The following GLTP variants were observed in gnomAD, a reference collection of about 807,000 sequenced individuals.
GLTP encodes glycolipid transfer protein.
In GLTP, 22 loss-of-function variants were observed where a neutral mutation model predicts 24.0. That is an observed-to-expected ratio of 0.92 (90% confidence interval 0.65 to 1.31). GLTP has a LOEUF of 1.31. GLTP is among the 50% of genes most tolerant of loss of function. The pLI is 0.00. For synonymous variants in GLTP, 92 were observed against 115.9 expected, an observed-to-expected ratio of 0.79 and a Z score of 1.33; for missense variants, 224 against 276.6, an observed-to-expected ratio of 0.81 and a Z score of 1.35.
intron 4 of GLTP, among the ~76,000 whole-genome samples, chr12:109,853,618 G>A (rs1892756016): frequency 6.6e-6 from 1 of 150,838 alleles, no homozygotes; most frequent in Admixed American, 6.6e-5. Context: ...AACCCGGGAG[G>A]CAGAGGTTGC....
At chr12:109,863,133 T>C (rs1454202475) in intron 1 of GLTP, among the ~76,000 whole-genome samples, 4 of 152,236 alleles carry the variant, frequency 2.6e-5, no homozygotes, top group African/African-American at 9.6e-5. Flanking sequence ...GAGATATGGA[T>C]AGATAGGCAC....
At chr12:109,872,915 C>A (rs769615585) in intron 1 of GLTP, among the ~76,000 whole-genome samples, 1 of 152,222 alleles carries the variant, frequency 6.6e-6, no homozygotes, top group Non-Finnish European at 1.5e-5. Context: ...CTTCACCAAC[C>A]TTGTCCAACC....
intron 1 of GLTP, among the ~76,000 whole-genome samples, chr12:109,861,418 G>A (rs10850891): frequency 0.64 from 97,386 of 151,928 alleles, 32,236 homozygotes; most frequent in African/African-American, 0.77. Flanking sequence ...TGGGGCAATA[G>A]TAGTACTTAT....
chr12:109,874,799 G>A (rs1366916476), intron 1 of GLTP, among the ~76,000 whole-genome samples: 1 of 152,192 alleles, frequency 6.6e-6, no homozygotes, highest in Admixed American at 6.5e-5. Context: ...TCACTCTGCT[G>A]CCCAGGCTGA....
intron 3 of GLTP, among the ~76,000 whole-genome samples, chr12:109,856,596 G>A (rs1455298506): frequency 1.3e-5 from 2 of 152,074 alleles, no homozygotes; most frequent in Non-Finnish European, 2.9e-5. Context: ...TGTCCCACTG[G>A]GGTCCCCAGA....
Position 109,852,462 on chromosome 12 carries a change from AG to A in GLTP, c.*92del. ...TGGGCTGCTCTGGGGGACACAGGCC[AG>A]GGGCAGTTCACCGACTTGATTCACA... On this transcript the variant is annotated 3_prime_UTR_variant, in exon 5 of 5. Transcript: ENST00000318348. 1 of 771,922 alleles carries A rather than the reference AG, an allele frequency of 1.3e-6. No individual in the cohort carries two copies. Among genetic ancestry groups the A allele is most frequent in the South Asian group, 1.5e-5 (1 of 65,440 alleles). 47.8% of individuals were successfully genotyped at this position (771,922 alleles called of 1,614,324 possible).
chr12:109,861,249 G>A (rs1359339701), intron 1 of GLTP, among the ~76,000 whole-genome samples: 1 of 152,166 alleles, frequency 6.6e-6, no homozygotes, highest in East Asian at 1.9e-4. Flanking sequence ...AGAGGTGCAT[G>A]AGAGAAACAG....
At position 109,855,467 on chromosome 12, in the gene GLTP, A is replaced by C; in HGVS notation, c.447+152T>G. 1 of 605,670 alleles carries C rather than the reference A, an allele frequency of 1.7e-6. No homozygotes were observed. Among genetic ancestry groups the C allele is most frequent in the African/African-American group, 1.9e-5 (1 of 53,274 alleles). The allele number at this position is 605,670 out of a possible 1,614,324, so 37.5% of individuals were successfully genotyped here. The stretch of plus-strand genomic sequence containing the variant: ...GCACGGGAGGGGGACCTCTCAGTAC[A>C]CTAGCCTCACCCAAATAGATGAGGG... On this transcript the variant is annotated intron_variant, in intron 4 of 4. Transcript: ENST00000318348. This position sits in a 1 kb window ranked among gnomAD's most constrained non-coding sequence, Gnocchi z 4.1.
intron 1 of GLTP, among the ~76,000 whole-genome samples, chr12:109,858,945 T>C (rs1720453505): frequency 6.6e-6 from 1 of 152,174 alleles, no homozygotes; most frequent in South Asian, 2.1e-4. Context: ...ATCTGGCAAA[T>C]GAGGCTACAG....
Position 109,855,564 on chromosome 12 carries a change from T to A in GLTP, c.447+55A>T, listed in dbSNP as rs1176125422. On this transcript the variant is annotated intron_variant, in intron 4 of 4. Transcript: ENST00000318348. The surrounding 1 kb of genome is among the most constrained non-coding windows in gnomAD (Gnocchi z 4.1). ...AGGCCTCGGCTAAGCAGGGGCAGAG[T>A]GGGGAGCAGAATCTGCAAGCTGGTG... is the stretch of plus-strand genomic sequence containing the variant. The A allele has an allele frequency of 4.8e-6, 7 of 1,457,360 alleles. No individual in the cohort carries two copies. In the African/African-American group the frequency reaches 8.7e-5, roughly 18 times the overall value. The allele number at this position is 1,457,360 out of a possible 1,614,324, so 90.3% of individuals were successfully genotyped here.
chr12:109,869,691 G>A (rs1387955265), intron 1 of GLTP, among the ~76,000 whole-genome samples: 4 of 150,914 alleles, frequency 2.7e-5, no homozygotes, highest in African/African-American at 9.7e-5. Context: ...GGATGGTCTT[G>A]ATCTCCTGAC....
chr12:109,869,328 AG>A (rs1312899642), intron 1 of GLTP, among the ~76,000 whole-genome samples: 1 of 149,810 alleles, frequency 6.7e-6, no homozygotes, highest in Admixed American at 6.7e-5. Flanking sequence ...AAAGAAAGAA[AG>A]AAAGAAAGAA....
chr12:109,857,784 G>C lies in GLTP; in HGVS notation c.163-125C>G. The C allele has an allele frequency of 1.1e-6, 1 of 927,828 alleles. No homozygotes were observed. The highest frequency in any genetic ancestry group is 1.4e-5 in the South Asian group (1 of 71,684). The allele number at this position is 927,828 out of a possible 1,614,324, so 57.5% of individuals were successfully genotyped here. On this transcript the variant is annotated intron_variant, in intron 2 of 4. Coordinates refer to ENST00000318348, the MANE Select transcript of GLTP (RefSeq NM_016433.4). The surrounding 1 kb of genome is among the most constrained non-coding windows in gnomAD (Gnocchi z 4.3). ...CTTCCTGCCCTCCAGGAACAGCAGG[G>C]ATAAGACTTGTAACAATAACTATGA...
chr12:109,871,332 G>A (rs1012513401), intron 1 of GLTP, among the ~76,000 whole-genome samples: 8 of 151,840 alleles, frequency 5.3e-5, no homozygotes, highest in African/African-American at 1.7e-4. Flanking sequence ...TGATCTACCC[G>A]CTTCGGCCCC....
intron 1 of GLTP, chr12:109,866,252 A>C (rs1369902560): frequency 1.3e-5 from 2 of 152,228 alleles, no homozygotes; most frequent in Non-Finnish European, 2.9e-5. Flanking sequence ...GCTGGAGTGC[A>C]GTGGCCATTC....
chr12:109,853,332 A>G (rs1482410594), intron 4 of GLTP, among the ~76,000 whole-genome samples: 1 of 152,100 alleles, frequency 6.6e-6, no homozygotes, highest in Admixed American at 6.6e-5. Context: ...CCATACTTGA[A>G]AAGTACAGAG....
At chr12:109,877,010 AC>A in intron 1 of GLTP, among the ~76,000 whole-genome samples, 1 of 152,118 alleles carries the variant, frequency 6.6e-6, no homozygotes, top group East Asian at 1.9e-4. Context: ...GCACCTCAAC[AC>A]CCAGCTAATT....
At chr12:109,873,450 T>C (rs1234154772) in intron 1 of GLTP, among the ~76,000 whole-genome samples, 2 of 152,006 alleles carry the variant, frequency 1.3e-5, no homozygotes, top group African/African-American at 4.8e-5. Context: ...CTAGCCAGCA[T>C]GGTGAAACCC....
At chr12:109,862,385 T>C (rs1324699178) in intron 1 of GLTP, among the ~76,000 whole-genome samples, 1 of 152,066 alleles carries the variant, frequency 6.6e-6, no homozygotes, top group South Asian at 2.1e-4. Flanking sequence ...GAAAGGACCG[T>C]GCATTCTCAA....
Sources: allele counts gnomAD v4.1 joint callset (sites outside exome capture counted in the v4.1 genomes callset), GRCh38; gene constraint gnomAD v4.1.1; non-coding constraint Gnocchi (gnomAD v3.1); transcripts MANE v1.5; gene names NCBI Gene and HGNC (gene_info 2026-07-23, HGNC 2026-07-21).